KLHL1: variants seen among roughly 807,000 people sequenced by gnomAD.
KLHL1 encodes kelch like family member 1, also known as kelch-like protein 1.
KLHL1 carries 47 observed loss-of-function variants against 77.7 expected under a neutral mutation model. The observed-to-expected ratio is 0.60, with a 90% confidence interval of 0.48 to 0.77. KLHL1 has a LOEUF of 0.77. Ranked by LOEUF, KLHL1 falls within the 30% of genes least tolerant of loss-of-function variation. KLHL1 has a pLI of 0.00. For missense variants in KLHL1, 925 were observed against 910.8 expected, an observed-to-expected ratio of 1.02 and a Z score of -0.20; for synonymous variants, 360 against 325.2, an observed-to-expected ratio of 1.11 and a Z score of -1.15.
At chr13:69,726,268 A>T (rs74586978) in intron 8 of KLHL1, among the ~76,000 whole-genome samples, 1,964 of 152,230 alleles carry the variant, frequency 0.013, 37 homozygotes, top group African/African-American at 0.045. Flanking sequence ...CAATAAAAGG[A>T]TTAGAATCCC....
intron 1 of KLHL1, among the ~76,000 whole-genome samples, chr13:70,030,793 A>G (rs1043789490): frequency 1.3e-5 from 2 of 152,184 alleles, no homozygotes; most frequent in African/African-American, 2.4e-5. Context: ...CAAAAAATCA[A>G]TGAATCCAGG....
chr13:69,857,572 TC>T (rs1347825695), intron 5 of KLHL1, among the ~76,000 whole-genome samples: 1 of 152,064 alleles, frequency 6.6e-6, no homozygotes, highest in Non-Finnish European at 1.5e-5. Flanking sequence ...CTAGAATGTA[TC>T]CCTATACTTG....
chr13:69,913,076 TC>T (rs1203676440), intron 4 of KLHL1, among the ~76,000 whole-genome samples: 1 of 152,158 alleles, frequency 6.6e-6, no homozygotes, highest in African/African-American at 2.4e-5. Flanking sequence ...AAACTGGAGT[TC>T]CAGGTGCTTC....
At chr13:69,790,175 A>G (rs1188269022) in intron 7 of KLHL1, among the ~76,000 whole-genome samples, 1 of 152,220 alleles carries the variant, frequency 6.6e-6, no homozygotes, top group Non-Finnish European at 1.5e-5. Context: ...AACCTCTTAT[A>G]GTGACATTGT....
intron 7 of KLHL1, among the ~76,000 whole-genome samples, chr13:69,748,000 A>T (rs559698576): frequency 1.3e-5 from 2 of 152,084 alleles, no homozygotes; most frequent in Non-Finnish European, 2.9e-5. Context: ...CTTTCAACAC[A>T]GGTATCTATC....
At chr13:69,721,348 T>C (rs1007401701) in intron 8 of KLHL1, among the ~76,000 whole-genome samples, 1 of 150,834 alleles carries the variant, frequency 6.6e-6, no homozygotes, top group African/African-American at 2.4e-5. Context: ...CTCCCTAAAA[T>C]GTATAAAATC....
intron 1 of KLHL1, among the ~76,000 whole-genome samples, chr13:70,039,241 TG>T (rs111774118): frequency 0.065 from 9,912 of 151,770 alleles, 409 homozygotes; most frequent in Middle Eastern, 0.11. Context: ...GCTAATTTTT[TG>T]TTTGTTTGTT....
At position 70,002,788 on chromosome 13, in the gene KLHL1, A is replaced by G. The variant is rs2247589; in HGVS notation, c.498-26986T>C. On this transcript the variant is annotated intron_variant, in intron 1 of 10. Coordinates refer to ENST00000377844, the MANE Select transcript of KLHL1 (RefSeq NM_020866.3). ...TGCTAACGTGCTAAGTATAAAAAGCAAAACTATTAACAAGTAGAAGAAAAA... is the reference window on the plus strand; with the variant it reads ...TGCTAACGTGCTAAGTATAAAAAGCGAAACTATTAACAAGTAGAAGAAAAA... Among the ~76,000 whole-genome samples, 964 of 151,832 alleles carry G rather than the reference A, an allele frequency of 6.3e-3. 9 individuals carry two copies. Among genetic ancestry groups the G allele is most frequent in the African/African-American group, 0.022 (904 of 41,528 alleles).
At chr13:69,788,771 C>T (rs1441885156) in intron 7 of KLHL1, among the ~76,000 whole-genome samples, 1 of 151,968 alleles carries the variant, frequency 6.6e-6, no homozygotes, top group African/African-American at 2.4e-5. Flanking sequence ...GCTCCAGGTA[C>T]ACAGAAGTGA....
chr13:69,921,448 A>G (rs1460406637), intron 4 of KLHL1, among the ~76,000 whole-genome samples: 1 of 152,190 alleles, frequency 6.6e-6, no homozygotes, highest in Non-Finnish European at 1.5e-5. Flanking sequence ...GCTTAGTCTA[A>G]TTAATCCAGA....
In KLHL1 at chr13:70,077,520, A is replaced by AATAG. The variant is rs199808122; in HGVS notation, c.497+29682_497+29683insCTAT. Among the ~76,000 whole-genome samples the AATAG allele has an allele frequency of 8.0e-3, 1,214 of 152,158 alleles. 16 individuals are homozygous for AATAG. Among genetic ancestry groups the AATAG allele is most frequent in the African/African-American group, 0.027 (1,115 of 41,552 alleles). ...AAATTATTATGTATGATCCTAAAATAATACATGAAATTATGCATTTGTGAA... is the reference window on the plus strand; with the variant it reads ...AAATTATTATGTATGATCCTAAAATAATAGATACATGAAATTATGCATTTGTGAA... On this transcript the variant is annotated intron_variant, in intron 1 of 10. Coordinates refer to ENST00000377844, the MANE Select transcript of KLHL1 (RefSeq NM_020866.3).
rs183652846 is a variant in KLHL1, at chr13:69,700,640, T to A, written c.*1062A>T. On this transcript the variant is annotated 3_prime_UTR_variant, in exon 11 of 11. Coordinates refer to ENST00000377844, the MANE Select transcript of KLHL1 (RefSeq NM_020866.3). ...TTATTAATTGTAATTAAAATTTACA[T>A]GGGCCTATTTATTAAGGACATTGTG... The A allele has an allele frequency of 2.4e-4, 36 of 152,544 alleles. No individual in the cohort carries two copies. The highest frequency in any genetic ancestry group is 8.7e-4 in the African/African-American group (36 of 41,546). The allele number at this position is 152,544 out of a possible 1,614,324, so 9.4% of individuals were successfully genotyped here.
chr13:69,905,016 G>T (rs934618084), intron 4 of KLHL1, among the ~76,000 whole-genome samples: 9 of 152,082 alleles, frequency 5.9e-5, no homozygotes, highest in Non-Finnish European at 1.3e-4. Flanking sequence ...AATTAAGAGA[G>T]CATTGAAAAC....
chr13:69,805,660 A>G (rs900970517), intron 6 of KLHL1, among the ~76,000 whole-genome samples: 19 of 151,362 alleles, frequency 1.3e-4, no homozygotes, highest in Non-Finnish European at 2.1e-4. Flanking sequence ...TAAAATTAGC[A>G]AGGTCAGTAC....
intron 2 of KLHL1, among the ~76,000 whole-genome samples, chr13:69,966,235 C>T (rs997363288): frequency 4.6e-5 from 7 of 152,134 alleles, no homozygotes; most frequent in African/African-American, 1.7e-4. Context: ...CTTCAAAGGA[C>T]AGGCTAACTC....
intron 1 of KLHL1, among the ~76,000 whole-genome samples, chr13:70,068,307 C>T (rs1297386417): frequency 6.6e-6 from 1 of 151,846 alleles, no homozygotes; most frequent in Non-Finnish European, 1.5e-5. Flanking sequence ...CGCCACTGCA[C>T]TCCAGCCTGG....
intron 5 of KLHL1, among the ~76,000 whole-genome samples, chr13:69,847,415 A>G (rs75959747): frequency 0.94 from 140,463 of 149,166 alleles, 66,419 homozygotes; most frequent in East Asian, 0.99. Context: ...AAAAAAAAAA[A>G]AAAAAAAAAA....
chr13:70,079,324 A>C (rs139949007), intron 1 of KLHL1, among the ~76,000 whole-genome samples: 2 of 152,218 alleles, frequency 1.3e-5, no homozygotes, highest in East Asian at 3.9e-4. Context: ...GCATTTACCA[A>C]TTGTTACAGT....
At chr13:69,888,396 A>G (rs1367366835) in intron 4 of KLHL1, among the ~76,000 whole-genome samples, 1 of 152,156 alleles carries the variant, frequency 6.6e-6, no homozygotes, top group African/African-American at 2.4e-5. Flanking sequence ...GATATAGTTG[A>G]TTAAGTTAAG....
Sources: allele counts gnomAD v4.1 joint callset (sites outside exome capture counted in the v4.1 genomes callset), GRCh38; gene constraint gnomAD v4.1.1; transcripts MANE v1.5; gene names NCBI Gene and HGNC (gene_info 2026-07-23, HGNC 2026-07-21).